SYNPO: variants seen among roughly 807,000 people sequenced by gnomAD.
The protein encoded by SYNPO is synaptopodin.
In SYNPO, 19 loss-of-function variants were observed where a neutral mutation model predicts 49.5. That is an observed-to-expected ratio of 0.38 (90% confidence interval 0.27 to 0.56). SYNPO has a LOEUF of 0.56. Ranked by LOEUF, SYNPO falls within the 20% of genes least tolerant of loss-of-function variation. SYNPO has a pLI of 0.68. For missense variants in SYNPO, 1,131 were observed against 1,248.3 expected (o/e 0.91, Z 1.42); for synonymous variants, 536 against 548.0 (o/e 0.98, Z 0.31).
intron 2 of SYNPO, chr5:150,653,944 G>A (rs975333770): frequency 6.6e-6 from 1 of 152,198 alleles, no homozygotes; most frequent in African/African-American, 2.4e-5. Context: ...AGGTTAAAGG[G>A]CTCCAGTTTG....
Position 150,649,100 on chromosome 5 carries a change from C to G in SYNPO, c.825C>G (p.Pro275=). 2 of 1,613,962 alleles carry G rather than the reference C, an allele frequency of 1.2e-6. No homozygotes were observed. The highest frequency in any genetic ancestry group is 1.7e-6 in the Non-Finnish European group (2 of 1,179,870). The change falls in exon 2 of 3, where the codon CCC becomes CCG. Residue 275 remains proline, a synonymous_variant. Transcript: ENST00000307662. Reference sequence around the variant, plus strand: ...AGAAGGCCCCGGCTCCCCAGCCCCCCAGTTTGCCAGACAGGAGCCCCCGGC... The same window carrying G: ...AGAAGGCCCCGGCTCCCCAGCCCCCGAGTTTGCCAGACAGGAGCCCCCGGC... The part of the protein sequence containing the change: ...FGEKAPAPQP[P]SLPDRSPRPQ...
chr5:150,608,921 C>T (rs1399581892), intron 1 of SYNPO, among the ~76,000 whole-genome samples: 2 of 152,162 alleles, frequency 1.3e-5, no homozygotes, highest in African/African-American at 2.4e-5. Flanking sequence ...GTTAGGGTTC[C>T]CACTCCACAG....
intron 1 of SYNPO, among the ~76,000 whole-genome samples, chr5:150,602,891 G>A (rs1756582601): frequency 6.6e-6 from 1 of 152,084 alleles, no homozygotes; most frequent in Non-Finnish European, 1.5e-5. Context: ...ACTGTCTAGG[G>A]CCTGAAGGTG....
chr5:150,642,560 C>T (rs1486761325), intron 1 of SYNPO, among the ~76,000 whole-genome samples: 1 of 151,866 alleles, frequency 6.6e-6, no homozygotes, highest in Non-Finnish European at 1.5e-5. Flanking sequence ...TGAGCAGCTG[C>T]TGCCTGGGAT....
chr5:150,632,438 G>A (rs1303757558), intron 2 of SYNPO, among the ~76,000 whole-genome samples: 1 of 152,154 alleles, frequency 6.6e-6, no homozygotes, highest in East Asian at 1.9e-4. Flanking sequence ...ACATAAGAGG[G>A]CACCCACCCA....
intron 1 of SYNPO, chr5:150,608,352 C>T (rs1756750648): frequency 6.6e-6 from 1 of 152,114 alleles, no homozygotes; most frequent in Non-Finnish European, 1.5e-5. Context: ...GCCAGAAGCC[C>T]CTCCATCTTC....
chr5:150,640,901 T>G, intron 1 of SYNPO, 47 bp downstream of exon 1: 1 of 938,392 alleles, frequency 1.1e-6, no homozygotes, highest in Non-Finnish European at 1.3e-6. Context: ...TTGGGGTATA[T>G]GACTTAGGGC....
chr5:150,644,644 G>A (rs1311362422), intron 1 of SYNPO, among the ~76,000 whole-genome samples: 3 of 152,174 alleles, frequency 2.0e-5, no homozygotes, highest in Admixed American at 2.0e-4. Context: ...GGCTCTGAGA[G>A]GTACAGTAAC....
chr5:150,657,398 GCA>G lies in SYNPO; in HGVS notation c.*319_*320del, dbSNP rs768682491. The stretch of plus-strand genomic sequence containing the variant: ...CCTTCCCATCAGTACACACACCGAT[GCA>G]CACACACTCTCTCTTTCTCTCTCTC... On this transcript the variant is annotated 3_prime_UTR_variant, in exon 3 of 3. Coordinates refer to ENST00000307662, the MANE Select transcript of SYNPO (RefSeq NM_007286.6). 1.2e-5 allele frequency: 4 copies of G among 329,594 alleles called. No homozygotes were observed. The highest frequency in any genetic ancestry group is 8.7e-5 in the Admixed American group (2 of 22,892). 20.4% of individuals were successfully genotyped at this position (329,594 alleles called of 1,614,324 possible).
At chr5:150,613,347 C>T (rs759808125) in intron 1 of SYNPO, among the ~76,000 whole-genome samples, 3 of 152,146 alleles carry the variant, frequency 2.0e-5, no homozygotes, top group Admixed American at 6.5e-5. Context: ...GCCATCTTCT[C>T]AGCCCTTCCA....
chr5:150,616,149 T>A (rs1198270699), intron 1 of SYNPO, among the ~76,000 whole-genome samples: 3 of 152,134 alleles, frequency 2.0e-5, no homozygotes, highest in Admixed American at 1.3e-4. Flanking sequence ...TGCGCTTATC[T>A]CTCTGCCTGC....
At chr5:150,645,350 AG>A (rs946187420) in intron 1 of SYNPO, among the ~76,000 whole-genome samples, 5 of 151,774 alleles carry the variant, frequency 3.3e-5, no homozygotes, top group African/African-American at 1.2e-4. Context: ...TAGGGAGGAG[AG>A]GGGCAATGGA....
At chr5:150,602,730 A>T (rs1365628201) in intron 1 of SYNPO, among the ~76,000 whole-genome samples, 1 of 152,090 alleles carries the variant, frequency 6.6e-6, no homozygotes, top group East Asian at 1.9e-4. Context: ...TTGTAGAGAC[A>T]GGGTCTCACT....
At position 150,648,165 on chromosome 5, in the gene SYNPO, C is replaced by G. The variant is rs772154957; in HGVS notation, c.-111C>G. The G allele has an allele frequency of 3.2e-6, 5 of 1,560,460 alleles. No individual in the cohort carries two copies. In the South Asian group the frequency reaches 5.9e-5, roughly 18 times the overall value. On this transcript the variant is annotated 5_prime_UTR_variant, in exon 2 of 3. Coordinates refer to ENST00000307662, the MANE Select transcript of SYNPO (RefSeq NM_007286.6). The surrounding 1 kb of genome is among the most constrained non-coding windows in gnomAD (Gnocchi z 5.0). ...GTCCCTCAGAGTGCTCCCTTCAAGC[C>G]TCCCAGGCCATGCACCGGGGCTCAG...
chr5:150,656,311 G>T (rs1758548092), intron 2 of SYNPO, 93 bp from the exon 3 acceptor site: 3 of 1,079,256 alleles, frequency 2.8e-6, no homozygotes, highest in Admixed American at 5.7e-5. Flanking sequence ...CCTTCTCGGT[G>T]TAATGGACAA....
chr5:150,618,268 G>C (rs1757036525), exon 2 of SYNPO: 7 of 1,390,718 alleles, frequency 5.0e-6, no homozygotes, highest in African/African-American at 1.5e-5. Context: ...AGGAGGCTGT[G>C]TAAGGAGCAG....
intron 1 of SYNPO, among the ~76,000 whole-genome samples, chr5:150,605,174 C>G (rs967305785): frequency 2.6e-5 from 4 of 152,194 alleles, no homozygotes; most frequent in Non-Finnish European, 4.4e-5. Context: ...CCCTGCAGTT[C>G]CAAGTTGGGA....
intron 2 of SYNPO, among the ~76,000 whole-genome samples, chr5:150,631,809 C>G (rs1757548977): frequency 6.6e-6 from 1 of 152,158 alleles, no homozygotes; most frequent in Non-Finnish European, 1.5e-5. Context: ...GTTATGGAGG[C>G]CCAGCAGGCC....
intron 1 of SYNPO, among the ~76,000 whole-genome samples, chr5:150,643,284 A>T (rs1757973628): frequency 6.6e-6 from 1 of 152,240 alleles, no homozygotes; most frequent in Non-Finnish European, 1.5e-5. Flanking sequence ...TCTGAGCCGT[A>T]GATTTCTCAT....
Sources: gnomAD v4.1 joint callset for allele counts (sites outside exome capture counted in the v4.1 genomes callset) on GRCh38, gnomAD v4.1.1 for gene constraint, Gnocchi (gnomAD v3.1) non-coding constraint, MANE v1.5 for transcripts, NCBI Gene and HGNC (gene_info 2026-07-23, HGNC 2026-07-21) for gene names.